The following MCM8 variants were observed in gnomAD, a reference collection of about 807,000 sequenced individuals.
MCM8 encodes the protein DNA helicase MCM8.
In MCM8, 85 loss-of-function variants were observed where a neutral mutation model predicts 98.9. The observed-to-expected ratio is 0.86, with a 90% CI of 0.72 to 1.03. The LOEUF (loss-of-function observed/expected upper bound fraction) is 1.03. Among genes scored for constraint, MCM8 ranks in the 50% least tolerant of loss-of-function variants. MCM8 has a pLI of 0.00. For missense variants in MCM8, 951 were observed against 997.8 expected (o/e 0.95, Z 0.63); for synonymous variants, 352 against 338.6 (o/e 1.04, Z -0.44).
chr20:5,987,593 T>C (rs1374079702), intron 17 of MCM8, among the ~76,000 whole-genome samples: 3 of 152,332 alleles, frequency 2.0e-5, no homozygotes, highest in East Asian at 1.9e-4. Context: ...CCAAAACCTA[T>C]TGGAGAAGAG....
intron 7 of MCM8, 145 bp from the exon 8 acceptor site, chr20:5,963,129 A>G (rs2122697685): frequency 1.6e-6 from 1 of 634,710 alleles, no homozygotes; most frequent in Non-Finnish European, 2.8e-6. Flanking sequence ...ATAGAAAGTC[A>G]TTAATCTCTC....
chr20:5,972,088 A>G (rs1568583730), intron 11 of MCM8, 51 bp downstream of exon 11: 2 of 1,445,174 alleles, frequency 1.4e-6, no homozygotes, highest in Admixed American at 1.9e-5. Context: ...GTTAGCAAAA[A>G]TAACATATAA....
intron 15 of MCM8, 125 bp from the exon 16 acceptor site, chr20:5,985,794 CCTT>C: frequency 1.2e-6 from 1 of 832,158 alleles, no homozygotes; most frequent in South Asian, 1.7e-5. Context: ...GATGTGTCCT[CCTT>C]GGCCTCCCAA....
intron 11 of MCM8, among the ~76,000 whole-genome samples, chr20:5,972,418 C>T (rs996104541): frequency 6.6e-6 from 1 of 151,850 alleles, no homozygotes; most frequent in Admixed American, 6.6e-5. Flanking sequence ...ATGTTGCCCA[C>T]GCTGGTCTGT....
At chr20:5,965,303 C>G (rs1427389147) in intron 8 of MCM8, 2 of 152,210 alleles carry the variant, frequency 1.3e-5, no homozygotes, top group African/African-American at 4.8e-5. Context: ...AGTTTATCCC[C>G]CCTTAGCAAA....
chr20:5,952,104 A>C lies in MCM8; in HGVS notation c.89A>C (p.Lys30Thr), dbSNP rs906306910. 23 of 1,614,128 alleles carry C rather than the reference A, an allele frequency of 1.4e-5. No individual in the cohort carries two copies. The highest frequency in any genetic ancestry group is 3.3e-4 in the Middle Eastern group (2 of 6,060). The stretch of plus-strand genomic sequence containing the variant: ...AGAGGTGGTGGGAACTTCTCAGGAA[A>C]ATGGAGAGAAAGAGAACACAGACCT... Reference protein sequence around the residue: ...RGRGGGNFSGKWREREHRPDL... With the variant: ...RGRGGGNFSGTWREREHRPDL... The change falls in exon 2 of 19, where the codon AAA becomes ACA. Residue 30 changes from lysine to threonine, a missense_variant. By Grantham distance (78) the Lys-to-Thr change is moderately conservative. Coordinates refer to ENST00000610722, the MANE Select transcript of MCM8 (RefSeq NM_032485.6).
intron 16 of MCM8, among the ~76,000 whole-genome samples, chr20:5,986,753 G>A (rs1440577820): frequency 3.3e-5 from 5 of 152,306 alleles, no homozygotes; most frequent in Admixed American, 1.3e-4. Context: ...AGAAATATAC[G>A]TTAACAAGTA....
intron 12 of MCM8, among the ~76,000 whole-genome samples, chr20:5,974,194 G>A (rs138576667): frequency 1.5e-4 from 23 of 152,208 alleles, no homozygotes; most frequent in Non-Finnish European, 2.4e-4. Context: ...GTACAGTGGC[G>A]CAACTTTGGC....
chr20:5,952,158 C>T lies in MCM8; in HGVS notation c.143C>T (p.Thr48Ile). ...PDLSKTTGKR[T>I]SEQTPQFLLS... is the part of the protein sequence containing the mutation. ...CTGAGTAAAACCACAGGAAAACGTA[C>T]TTCTGGTAGGTGAGGTCAATGATTG... The change falls in exon 2 of 19, where the codon ACT becomes ATT. Residue 48 changes from threonine to isoleucine, a missense_variant. Transcript: ENST00000610722. The T allele has an allele frequency of 6.2e-7, 1 of 1,613,360 alleles. No individual in the cohort carries two copies. Among genetic ancestry groups the T allele is most frequent in the Non-Finnish European group, 8.5e-7 (1 of 1,179,908 alleles).
chr20:5,969,870 C>G (rs1281122768), intron 10 of MCM8, among the ~76,000 whole-genome samples: 2 of 152,096 alleles, frequency 1.3e-5, no homozygotes, highest in Non-Finnish European at 2.9e-5. Context: ...GCAACCTGGT[C>G]GACAATCCAA....
At chr20:5,964,040 G>T (rs1030006040) in intron 8 of MCM8, among the ~76,000 whole-genome samples, 2 of 151,506 alleles carry the variant, frequency 1.3e-5, no homozygotes, top group Non-Finnish European at 2.9e-5. Flanking sequence ...TTCAAATAAA[G>T]ACTCCCTTTG....
chr20:5,959,680 G>A (rs1035447204), intron 7 of MCM8, among the ~76,000 whole-genome samples: 48 of 142,946 alleles, frequency 3.4e-4, no homozygotes, highest in African/African-American at 1.1e-3. Flanking sequence ...ATACTAAGTT[G>A]TAGGCTGTAC....
rs1324555686 is a variant in MCM8 at position 5,957,118 on chromosome 20, C to G, written c.487-8C>G. The G allele has an allele frequency of 1.3e-6, 2 of 1,597,868 alleles. No homozygotes were observed. The highest frequency in any genetic ancestry group is 1.7e-6 in the Non-Finnish European group (2 of 1,167,326). On this transcript the variant is annotated splice_polypyrimidine_tract_variant and splice_region_variant and intron_variant, in intron 5 of 18. Transcript: ENST00000610722. Reference sequence around the variant, plus strand: ...TCCAACTTCAGAGTAAATGTCTGTCCTGTTTAGGTGTTAACTAAGGACCTT... The same window carrying G: ...TCCAACTTCAGAGTAAATGTCTGTCGTGTTTAGGTGTTAACTAAGGACCTT...
intron 7 of MCM8, among the ~76,000 whole-genome samples, chr20:5,959,690 CTTTTTTTT>C (rs61232248): frequency 1.5e-5 from 1 of 65,198 alleles, no homozygotes; most frequent in African/African-American, 5.8e-5. Flanking sequence ...GTAGGCTGTA[CTTTTTTTT>C]TTTTTTTTTT....
At position 5,954,147 on chromosome 20, in the gene MCM8, T is replaced by TA. The variant is rs557130525; in HGVS notation, c.254-450dup. On this transcript the variant is annotated intron_variant, in intron 3 of 18. Transcript: ENST00000610722. ...TTGAAAATGTAGAACTTTAGAGTGTTAAAAAAAAAAAGGCTTTTCAGTTTT... is the reference window on the plus strand; with the variant it reads ...TTGAAAATGTAGAACTTTAGAGTGTTAAAAAAAAAAAAGGCTTTTCAGTTTT... Among the ~76,000 whole-genome samples, 277 of 145,914 alleles carry TA rather than the reference T, an allele frequency of 1.9e-3. 4 individuals carry two copies. Among genetic ancestry groups the TA allele is most frequent in the African/African-American group, 4.3e-3 (173 of 39,970 alleles).
At chr20:5,969,774 C>T (rs989222090) in intron 10 of MCM8, among the ~76,000 whole-genome samples, 8 of 152,100 alleles carry the variant, frequency 5.3e-5, no homozygotes, top group South Asian at 2.1e-4. Context: ...AAAAGCCATT[C>T]AGACCCACCC....
chr20:5,978,209 A>G (rs1354599259), intron 13 of MCM8, among the ~76,000 whole-genome samples, 192 bp downstream of exon 13: 1 of 152,258 alleles, frequency 6.6e-6, no homozygotes, highest in Non-Finnish European at 1.5e-5. Flanking sequence ...TTGGAACTGT[A>G]CTTAATGTCA....
At chr20:5,983,216 C>A (rs1164456500) in intron 14 of MCM8, 51 bp downstream of exon 14, 3 of 1,428,910 alleles carry the variant, frequency 2.1e-6, no homozygotes, top group South Asian at 2.6e-5. Context: ...CACTTTAATT[C>A]AATAAGAAAA....
In MCM8 at chr20:5,984,789, G is replaced by A. The variant is rs952431370; in HGVS notation, c.1742G>A (p.Ser581Asn). Residue 581 changes from serine (S) to asparagine (N), a missense_variant, in exon 15 of 19, where the codon AGT (serine) becomes AAT (asparagine). Ser to Asn is a conservative substitution (Grantham distance 46). Coordinates refer to ENST00000610722, the MANE Select transcript of MCM8 (RefSeq NM_032485.6). ...TCTTTCATCCTTCATAGAATGGGGA[G>A]TGCACTACTATCCAGATTTGATTTG... The part of the protein sequence containing the change: ...KTVSENLKMG[S>N]ALLSRFDLVF... 6 of 1,609,902 alleles carry A rather than the reference G, an allele frequency of 3.7e-6. No homozygotes were observed. The African/African-American group carries it at 5.3e-5, about 14-fold the overall frequency.
Sources: gnomAD v4.1 joint callset for allele counts (sites outside exome capture counted in the v4.1 genomes callset) on GRCh38, gnomAD v4.1.1 for gene constraint, MANE v1.5 for transcripts, NCBI Gene and HGNC (gene_info 2026-07-23, HGNC 2026-07-21) for gene names.